NRXN3: variants seen among roughly 807,000 people sequenced by gnomAD.
The protein encoded by NRXN3 is neurexin III.
In NRXN3, 32 loss-of-function variants were observed where a neutral mutation model predicts 137.6. The observed-to-expected ratio is 0.23, with a 90% CI of 0.18 to 0.31. NRXN3 has a LOEUF of 0.31. NRXN3 is among the 10% of genes least tolerant of loss of function. NRXN3 has a pLI of 1.00. For synonymous variants in NRXN3, 798 were observed against 784.5 expected (o/e 1.02, Z -0.29); for missense variants, 1,574 against 2,062.5 (o/e 0.76, Z 4.59).
chr14:78,255,490 A>G (rs1567093690), intron 2 of NRXN3, among the ~76,000 whole-genome samples: 1 of 152,160 alleles, frequency 6.6e-6, no homozygotes, highest in Non-Finnish European at 1.5e-5. Flanking sequence ...GATTGGGGCT[A>G]TTTTTTCCTC....
At chr14:79,130,034 G>A (rs2057211741) in intron 15 of NRXN3, among the ~76,000 whole-genome samples, 1 of 152,042 alleles carries the variant, frequency 6.6e-6, no homozygotes, top group East Asian at 1.9e-4. Context: ...TTGCTTGGTA[G>A]ATCTTCCTTC....
At chr14:78,451,241 A>G (rs886079169) in intron 4 of NRXN3, among the ~76,000 whole-genome samples, 5 of 152,224 alleles carry the variant, frequency 3.3e-5, no homozygotes, top group African/African-American at 1.2e-4. Flanking sequence ...ATTACAACAT[A>G]CGGGACCTTA....
intron 16 of NRXN3, among the ~76,000 whole-genome samples, chr14:79,629,006 C>T (rs975381607): frequency 2.6e-5 from 4 of 152,184 alleles, no homozygotes; most frequent in African/African-American, 9.7e-5. Flanking sequence ...ATCCGTTTCT[C>T]TACCTTATTT....
Position 78,243,454 on chromosome 14 carries a change from A to T in NRXN3, c.361A>T (p.Thr121Ser). 4 of 1,578,874 alleles carry T rather than the reference A, an allele frequency of 2.5e-6. No individual in the cohort carries two copies. The highest frequency in any genetic ancestry group is 3.4e-6 in the Non-Finnish European group (4 of 1,170,146). The change falls in exon 2 of 21, where the codon ACG becomes TCG. Residue 121 changes from threonine (T) to serine (S), a missense_variant. By Grantham distance (58) the Thr-to-Ser change is moderately conservative. Coordinates refer to ENST00000335750, the MANE Select transcript of NRXN3 (RefSeq NM_001330195.2). This position sits in a 1 kb window ranked among gnomAD's most constrained non-coding sequence, Gnocchi z 4.2. ...FLMVSRDRLR[T>S]VLMLDGEGQS... The stretch of plus-strand genomic sequence containing the variant: ...CATGGTGAGCCGTGACCGCCTGCGC[A>T]CGGTGCTGATGCTTGATGGCGAGGG...
At chr14:79,396,596 G>T (rs1210686913) in intron 15 of NRXN3, among the ~76,000 whole-genome samples, 1 of 152,076 alleles carries the variant, frequency 6.6e-6, no homozygotes, top group African/African-American at 2.4e-5. Context: ...AGGAAGGAAG[G>T]GTACCAGACA....
At chr14:78,927,150 C>CCCTTGAGAAA (rs546385554) in intron 10 of NRXN3, among the ~76,000 whole-genome samples, 1 of 111,720 alleles carries the variant, frequency 9.0e-6, no homozygotes. Context: ...GTGAGACCCT[C>CCCTTGAGAAA]AAAAAAAAAA....
chr14:79,083,995 C>T (rs918911626), intron 15 of NRXN3, among the ~76,000 whole-genome samples: 19 of 152,096 alleles, frequency 1.2e-4, no homozygotes, highest in African/African-American at 4.6e-4. Context: ...GCCTCGACCC[C>T]CACCCCTAAG....
intron 15 of NRXN3, among the ~76,000 whole-genome samples, chr14:79,405,696 C>T (rs1047769986): frequency 4.6e-5 from 7 of 152,208 alleles, no homozygotes; most frequent in Non-Finnish European, 1.0e-4. Flanking sequence ...TTGTCACAGA[C>T]CCAAACTTTC....
intron 6 of NRXN3, 44 bp from the exon 7 acceptor site, chr14:78,709,173 T>C: frequency 6.4e-7 from 1 of 1,564,906 alleles, no homozygotes; most frequent in Non-Finnish European, 8.7e-7. Flanking sequence ...TGGATACTGT[T>C]TGCAAGATTG....
chr14:78,563,735 A>T (rs897641633), intron 4 of NRXN3, among the ~76,000 whole-genome samples: 1 of 152,216 alleles, frequency 6.6e-6, no homozygotes. Context: ...AGATGGGTAC[A>T]TAAGAGCAAA....
At chr14:78,541,978 C>A (rs1028090443) in intron 4 of NRXN3, among the ~76,000 whole-genome samples, 4 of 152,164 alleles carry the variant, frequency 2.6e-5, no homozygotes, top group African/African-American at 9.7e-5. Flanking sequence ...TGCAGAACAG[C>A]AAATATTGCA....
At chr14:79,325,186 C>T (rs2090669961) in intron 15 of NRXN3, among the ~76,000 whole-genome samples, 2 of 152,050 alleles carry the variant, frequency 1.3e-5, no homozygotes, top group African/African-American at 4.8e-5. Flanking sequence ...TTACTTCTTT[C>T]CTTTAACATA....
intron 4 of NRXN3, chr14:78,602,493 A>C (rs1432666144): frequency 6.6e-6 from 1 of 152,002 alleles, no homozygotes; most frequent in Non-Finnish European, 1.5e-5. Context: ...GAACTGAGTA[A>C]TTGTTTTGCC....
At chr14:79,486,036 T>A (rs73339502) in intron 16 of NRXN3, among the ~76,000 whole-genome samples, 2,867 of 152,134 alleles carry the variant, frequency 0.019, 127 homozygotes, top group East Asian at 0.16. Context: ...ATTATTATTA[T>A]TAATATTATC....
rs59053009 is a variant in NRXN3, at chr14:78,888,848, T to TACACACACACACACACACACACACAC, written c.2276-68370_2276-68369insACACACACACACACACACACACACAC. Among the ~76,000 whole-genome samples the TACACACACACACACACACACACACAC allele has an allele frequency of 1.0e-3, 148 of 146,414 alleles. 2 individuals are homozygous for TACACACACACACACACACACACACAC. Among genetic ancestry groups the TACACACACACACACACACACACACAC allele is most frequent in the African/African-American group, 3.5e-3 (140 of 39,748 alleles). On this transcript the variant is annotated intron_variant, in intron 10 of 20. Coordinates refer to ENST00000335750, the MANE Select transcript of NRXN3 (RefSeq NM_001330195.2). ...CTAGTTGGGAGAGTAATCACACACATACACACACACACACACACACACACC... is the reference window on the plus strand; with the variant it reads ...CTAGTTGGGAGAGTAATCACACACATACACACACACACACACACACACACACACACACACACACACACACACACACC...
chr14:79,811,007 C>A (rs567078853), intron 20 of NRXN3, among the ~76,000 whole-genome samples: 2 of 152,166 alleles, frequency 1.3e-5, no homozygotes, highest in East Asian at 3.9e-4. Context: ...GTTTTTATTA[C>A]AAATAAGTCA....
At chr14:79,037,957 G>A (rs1048362563) in intron 15 of NRXN3, among the ~76,000 whole-genome samples, 3 of 152,092 alleles carry the variant, frequency 2.0e-5, no homozygotes, top group African/African-American at 7.2e-5. Flanking sequence ...TATCAGGTTA[G>A]GCTGAAAATA....
chr14:78,231,778 A>T (rs75169505), intron 1 of NRXN3, among the ~76,000 whole-genome samples: 2,421 of 152,344 alleles, frequency 0.016, 69 homozygotes, highest in African/African-American at 0.055. Flanking sequence ...CTTCACGTGT[A>T]CCATACTTGG....
At chr14:78,758,556 G>C (rs1376031965) in intron 8 of NRXN3, among the ~76,000 whole-genome samples, 2 of 152,120 alleles carry the variant, frequency 1.3e-5, no homozygotes, top group Non-Finnish European at 2.9e-5. Flanking sequence ...TATTGGACTT[G>C]AGCATTATCT....
Sources: allele counts gnomAD v4.1 joint callset (sites outside exome capture counted in the v4.1 genomes callset), GRCh38; gene constraint gnomAD v4.1.1; non-coding constraint Gnocchi (gnomAD v3.1); transcripts MANE v1.5; gene names NCBI Gene and HGNC (gene_info 2026-07-23, HGNC 2026-07-21).